EXT2: variants seen among roughly 807,000 people sequenced by gnomAD.
The protein encoded by EXT2 is exostosin glycosyltransferase 2, also known as exostosin-2.
EXT2 carries 53 observed loss-of-function variants against 81.6 expected under a neutral mutation model. The observed-to-expected ratio is 0.65, with a 90% CI of 0.52 to 0.82. The LOEUF (loss-of-function observed/expected upper bound fraction) is 0.82. Among genes scored for constraint, EXT2 ranks in the 40% least tolerant of loss-of-function variants. The pLI is 0.00. For missense variants in EXT2, 774 were observed against 910.2 expected, an observed-to-expected ratio of 0.85 and a Z score of 1.93; for synonymous variants, 320 against 340.0, an observed-to-expected ratio of 0.94 and a Z score of 0.65.
chr11:44,122,822 C>T (rs941274927), intron 4 of EXT2, among the ~76,000 whole-genome samples: 2 of 152,216 alleles, frequency 1.3e-5, no homozygotes, highest in Non-Finnish European at 2.9e-5. Flanking sequence ...CAGGCAGCCC[C>T]AGCCACATAT....
rs117471871 is a variant in EXT2, at chr11:44,206,263, C to T, written c.1496-530C>T. Among the ~76,000 whole-genome samples the T allele has an allele frequency of 4.9e-3, 753 of 152,290 alleles. 6 individuals carry two copies. Among genetic ancestry groups the T allele is most frequent in the East Asian group, 0.043 (224 of 5,180 alleles). ...TGGAGGTGGGCACGTCGGGGACCTT[C>T]GGCACATGCACTATATTTCCTAGCA... On this transcript the variant is annotated intron_variant, in intron 9 of 13. Coordinates refer to ENST00000533608, the MANE Select transcript of EXT2 (RefSeq NM_207122.2).
At chr11:44,137,263 C>T (rs780946961) in intron 7 of EXT2, among the ~76,000 whole-genome samples, 1 of 152,148 alleles carries the variant, frequency 6.6e-6, no homozygotes, top group Non-Finnish European at 1.5e-5. Context: ...GCACTAGGGC[C>T]TGTAAATAAA....
chr11:44,211,591 G>A (rs1034809770), intron 10 of EXT2, among the ~76,000 whole-genome samples: 9 of 152,320 alleles, frequency 5.9e-5, no homozygotes, highest in Non-Finnish European at 8.8e-5. Flanking sequence ...TAGAAGTAGA[G>A]AGTAGAATGG....
At chr11:44,176,922 T>TAA (rs35564934) in intron 8 of EXT2, among the ~76,000 whole-genome samples, 3,213 of 131,814 alleles carry the variant, frequency 0.024, 38 homozygotes, top group African/African-American at 0.036. Flanking sequence ...TAGTTTAATG[T>TAA]AAAAAAAAAA....
chr11:44,103,279 G>A (rs1954011563), intron 1 of EXT2, among the ~76,000 whole-genome samples: 2 of 151,908 alleles, frequency 1.3e-5, no homozygotes, highest in South Asian at 4.2e-4. Flanking sequence ...TCTGAGTTGA[G>A]CATCTTGAGT....
intron 9 of EXT2, among the ~76,000 whole-genome samples, chr11:44,200,180 T>C (rs1955506127): frequency 6.6e-6 from 1 of 151,884 alleles, no homozygotes; most frequent in Non-Finnish European, 1.5e-5. Context: ...GTCCAAGTCT[T>C]TGAAATATTA....
intron 10 of EXT2, among the ~76,000 whole-genome samples, chr11:44,210,059 T>G (rs970961897): frequency 2.0e-5 from 3 of 152,248 alleles, no homozygotes; most frequent in Non-Finnish European, 2.9e-5. Flanking sequence ...ATCCATAATC[T>G]GGTTACATCC....
rs1165482482 is a variant in EXT2, at chr11:44,248,245, A to G, written c.*3958A>G. 6.6e-6 allele frequency among the ~76,000 whole-genome samples: 1 copy of G among 152,232 alleles called. No homozygotes were observed. The highest frequency in any genetic ancestry group is 2.4e-5 in the African/African-American group (1 of 41,468). On this transcript the variant is annotated 3_prime_UTR_variant, in exon 14 of 14. Transcript: ENST00000533608. ...CAGCCCTGGCACAGAGAGGCAGAGT[A>G]GAGAATGCTAAACTGGCCCCATGTC...
intron 3 of EXT2, among the ~76,000 whole-genome samples, chr11:44,113,396 A>G (rs1954173462): frequency 6.6e-6 from 1 of 152,190 alleles, no homozygotes; most frequent in African/African-American, 2.4e-5. Flanking sequence ...GAATAACAGT[A>G]AAAGTTGGTG....
intron 7 of EXT2, among the ~76,000 whole-genome samples, chr11:44,162,095 A>C (rs950518253): frequency 2.6e-5 from 4 of 152,202 alleles, no homozygotes; most frequent in African/African-American, 9.7e-5. Flanking sequence ...GAAGAAAAAA[A>C]GTATGTTGTT....
At chr11:44,223,867 A>G (rs1955809587) in intron 10 of EXT2, among the ~76,000 whole-genome samples, 1 of 152,140 alleles carries the variant, frequency 6.6e-6, no homozygotes, top group East Asian at 1.9e-4. Context: ...TACCCAGGAT[A>G]GTCTCGATCT....
intron 1 of EXT2, among the ~76,000 whole-genome samples, chr11:44,096,854 A>C (rs181153506): frequency 7.2e-4 from 110 of 152,342 alleles, no homozygotes; most frequent in Admixed American, 7.0e-3. Context: ...TGTAAGTCTT[A>C]ACTTCTTGTA....
chr11:44,179,018 A>G (rs11607693), intron 8 of EXT2, among the ~76,000 whole-genome samples: 2,377 of 152,154 alleles, frequency 0.016, 34 homozygotes, highest in Non-Finnish European at 0.025. Context: ...CAGCCAGGGA[A>G]TAAGGAAAGC....
intron 10 of EXT2, among the ~76,000 whole-genome samples, chr11:44,231,640 G>A (rs2135257713): frequency 6.6e-6 from 1 of 152,296 alleles, no homozygotes; most frequent in South Asian, 2.1e-4. Context: ...GAAGCACCAA[G>A]ACTAGCCAAC....
chr11:44,162,224 C>G (rs1377916457), intron 7 of EXT2, among the ~76,000 whole-genome samples: 2 of 152,304 alleles, frequency 1.3e-5, no homozygotes, highest in East Asian at 1.9e-4. Context: ...TGAGAACTCT[C>G]TGGCTACTAT....
At chr11:44,204,837 C>A (rs1955563653) in intron 9 of EXT2, among the ~76,000 whole-genome samples, 2 of 152,042 alleles carry the variant, frequency 1.3e-5, no homozygotes, top group Admixed American at 1.3e-4. Context: ...CAAAACTGGT[C>A]CCTGGTGCCA....
chr11:44,126,984 A>G, intron 6 of EXT2, 29 bp downstream of exon 6: 7 of 1,613,534 alleles, frequency 4.3e-6, no homozygotes, highest in Admixed American at 1.7e-5. Flanking sequence ...TAAACTCTAC[A>G]TTAGTGGTTC....
intron 13 of EXT2, 101 bp downstream of exon 13, chr11:44,236,476 T>C (rs1367641063): frequency 9.2e-7 from 1 of 1,088,734 alleles, no homozygotes; most frequent in East Asian, 2.5e-5. Context: ...GGACAGCAGC[T>C]GGTAGCCATA....
At chr11:44,117,258 C>T (rs1005848506) in intron 4 of EXT2, among the ~76,000 whole-genome samples, 23 of 152,236 alleles carry the variant, frequency 1.5e-4, no homozygotes, top group African/African-American at 1.9e-4. Flanking sequence ...TGTGAGCCAC[C>T]GCACCCGGCC....
Sources: gnomAD v4.1 joint callset for allele counts (sites outside exome capture counted in the v4.1 genomes callset) on GRCh38, gnomAD v4.1.1 for gene constraint, MANE v1.5 for transcripts, NCBI Gene and HGNC (gene_info 2026-07-23, HGNC 2026-07-21) for gene names.